Variants in AASDHPPT observed in about 807,000 individuals in gnomAD.
The protein encoded by AASDHPPT is aminoadipate-semialdehyde dehydrogenase-phosphopantetheinyl transferase, also known as L-aminoadipate-semialdehyde dehydrogenase-phosphopantetheinyl transferase.
A neutral mutation model predicts 36.4 loss-of-function variants in AASDHPPT; 23 were observed. That is an observed-to-expected ratio of 0.63 (90% CI 0.45 to 0.89). The LOEUF (loss-of-function observed/expected upper bound fraction) is 0.89. Ranked by LOEUF, AASDHPPT falls within the 40% of genes least tolerant of loss-of-function variation. The pLI is 0.00. For synonymous variants in AASDHPPT, 115 were observed against 128.0 expected, an observed-to-expected ratio of 0.90 and a Z score of 0.68; for missense variants, 377 against 378.2, an observed-to-expected ratio of 1.00 and a Z score of 0.03.
At chr11:106,079,370 G>GA in intron 1 of AASDHPPT, 97 bp from the exon 2 acceptor site, 1 of 1,062,804 alleles carries the variant, frequency 9.4e-7, no homozygotes, top group Middle Eastern at 3.2e-4. Flanking sequence ...TTTTAAAAAT[G>GA]AAAATTTTAG....
chr11:106,097,602 C>T lies in AASDHPPT; in HGVS notation c.*695C>T, dbSNP rs1156689731. 1.3e-5 allele frequency: 2 copies of T among 152,146 alleles called. No individual in the cohort carries two copies. The highest frequency in any genetic ancestry group is 2.9e-5 in the Non-Finnish European group (2 of 68,012). The allele number at this position is 152,146 out of a possible 1,614,324, so 9.4% of individuals were successfully genotyped here. Reference sequence around the variant, plus strand: ...TTCCACCTCTCGATCACAAGAGCTGCTGCTATAACTTCCAGTTTTACATCT... The same window carrying T: ...TTCCACCTCTCGATCACAAGAGCTGTTGCTATAACTTCCAGTTTTACATCT... On this transcript the variant is annotated 3_prime_UTR_variant, in exon 6 of 6. Transcript: ENST00000278618.
chr11:106,094,561 T>G, intron 4 of AASDHPPT, 22 bp from the exon 5 acceptor site: 1 of 1,558,588 alleles, frequency 6.4e-7, no homozygotes, highest in Non-Finnish European at 8.7e-7. Context: ...TAATCTATAT[T>G]TATTTACCTT....
Position 106,096,824 on chromosome 11 carries a change from C to T in AASDHPPT, c.847C>T (p.Pro283Ser). The stretch of plus-strand genomic sequence containing the variant: ...TAATGATTTAATGTCATCTGCCGTT[C>T]CCATGACACCTGAAGATCCTTCATT... ...NFNDLMSSAVPMTPEDPSFWD... is the reference protein window; with the variant it reads ...NFNDLMSSAVSMTPEDPSFWD... Residue 283 changes from proline (P) to serine (S), a missense_variant, in exon 6 of 6, where the codon CCC (proline) becomes TCC (serine). Coordinates refer to ENST00000278618, the MANE Select transcript of AASDHPPT (RefSeq NM_015423.3). The T allele has an allele frequency of 1.2e-6, 2 of 1,611,602 alleles. No homozygotes were observed. Among genetic ancestry groups the T allele is most frequent in the South Asian group, 1.1e-5 (1 of 90,662 alleles).
chr11:106,098,124 C>T lies in AASDHPPT; in HGVS notation c.*1217C>T, dbSNP rs994013063. On this transcript the variant is annotated 3_prime_UTR_variant, in exon 6 of 6. Transcript: ENST00000278618. The stretch of plus-strand genomic sequence containing the variant: ...TCCCCCTGCCAGAATACTCCTTGGT[C>T]AATTGTAGGTATTCTTTTTGGTTTA... 3 of 152,000 alleles carry T rather than the reference C, an allele frequency of 2.0e-5. No individual in the cohort carries two copies. The highest frequency in any genetic ancestry group is 2.0e-4 in the Admixed American group (3 of 15,236). The allele number at this position is 152,000 out of a possible 1,614,324, so 9.4% of individuals were successfully genotyped here.
chr11:106,091,531 T>C, intron 4 of AASDHPPT, 54 bp downstream of exon 4: 2 of 1,489,072 alleles, frequency 1.3e-6, no homozygotes, highest in South Asian at 1.4e-5. Context: ...TTTATGCATG[T>C]ATGTGTGATT....
chr11:106,096,642 T>C, intron 5 of AASDHPPT, 101 bp from the exon 6 acceptor site: 1 of 894,130 alleles, frequency 1.1e-6, no homozygotes, highest in Non-Finnish European at 1.6e-6. Context: ...CATTTAATAC[T>C]ACTGAAATGT....
Position 106,090,660 on chromosome 11 carries a change from T to C in AASDHPPT, c.513T>C (p.Asp171=), listed in dbSNP as rs1470103797. 1.3e-6 allele frequency: 2 copies of C among 1,590,220 alleles called. No homozygotes were observed. Among genetic ancestry groups the C allele is most frequent in the Admixed American group, 3.6e-5 (2 of 54,936 alleles). The change falls in exon 3 of 6, where the codon GAT becomes GAC. Residue 171 remains aspartate, a synonymous_variant. Coordinates refer to ENST00000278618, the MANE Select transcript of AASDHPPT (RefSeq NM_015423.3). ...RSFKDEWTQL[D]MFYRNWALKE... ...TTAAGGATGAGTGGACTCAGCTGGA[T>C]ATGTTTTATAGGAATTGGGTATAAT... is the stretch of plus-strand genomic sequence containing the variant.
chr11:106,087,680 A>G (rs1861210567), intron 2 of AASDHPPT, among the ~76,000 whole-genome samples: 1 of 152,148 alleles, frequency 6.6e-6, no homozygotes, highest in Admixed American at 6.6e-5. Flanking sequence ...CATTGGATCT[A>G]AATGATTTTG....
intron 2 of AASDHPPT, among the ~76,000 whole-genome samples, chr11:106,082,208 CAG>C (rs1396152517): frequency 6.6e-6 from 1 of 151,970 alleles, no homozygotes. Flanking sequence ...TCCAGTAACA[CAG>C]AAAGGAAGAG....
At chr11:106,093,765 T>G (rs1299102609) in intron 4 of AASDHPPT, 1 of 152,148 alleles carries the variant, frequency 6.6e-6, no homozygotes, top group East Asian at 1.9e-4. Flanking sequence ...CTTCAATATA[T>G]ATTACATTTT....
At chr11:106,085,922 T>C (rs1861192596) in intron 2 of AASDHPPT, 1 of 152,252 alleles carries the variant, frequency 6.6e-6, no homozygotes, top group South Asian at 2.1e-4. Context: ...ATAATTTTGA[T>C]GCTCAAAAAG....
chr11:106,079,849 G>A (rs550503236), intron 2 of AASDHPPT, among the ~76,000 whole-genome samples, 157 bp downstream of exon 2: 3 of 152,258 alleles, frequency 2.0e-5, no homozygotes, highest in Non-Finnish European at 1.5e-5. Context: ...AATCTGAAAA[G>A]GGTATATTTC....
intron 2 of AASDHPPT, among the ~76,000 whole-genome samples, chr11:106,087,873 GC>G (rs890546109): frequency 2.6e-5 from 4 of 152,160 alleles, no homozygotes; most frequent in African/African-American, 9.7e-5. Context: ...ATTAGAACTT[GC>G]CAACGTATGT....
chr11:106,087,313 C>T (rs950522555), intron 2 of AASDHPPT, among the ~76,000 whole-genome samples: 1 of 152,138 alleles, frequency 6.6e-6, no homozygotes, highest in African/African-American at 2.4e-5. Context: ...AGCTGATAAG[C>T]ATTACGGTGT....
chr11:106,096,320 TATAG>T (rs1407503564), intron 5 of AASDHPPT, among the ~76,000 whole-genome samples: 1 of 152,200 alleles, frequency 6.6e-6, no homozygotes, highest in East Asian at 1.9e-4. Context: ...TACATCTCTG[TATAG>T]TTATGGCAGT....
intron 4 of AASDHPPT, chr11:106,091,693 A>C (rs897090104): frequency 1.6e-4 from 65 of 411,362 alleles, no homozygotes; most frequent in African/African-American, 1.2e-3. Flanking sequence ...CAGTACGGGA[A>C]AGGAAAAGAG....
chr11:106,086,208 C>T (rs1267739786), intron 2 of AASDHPPT: 1 of 152,278 alleles, frequency 6.6e-6, no homozygotes, highest in Non-Finnish European at 1.5e-5. Flanking sequence ...GTTAAGGTGT[C>T]AGCAGGGCCA....
chr11:106,093,836 G>A (rs1401939578), intron 4 of AASDHPPT: 1 of 151,942 alleles, frequency 6.6e-6, no homozygotes, highest in Non-Finnish European at 1.5e-5. Context: ...TATTGGTTAT[G>A]TTTTACCTAT....
At chr11:106,080,309 A>C (rs532929233) in intron 2 of AASDHPPT, among the ~76,000 whole-genome samples, 37 of 152,308 alleles carry the variant, frequency 2.4e-4, no homozygotes, top group African/African-American at 8.7e-4. Flanking sequence ...AGGGTCCTGG[A>C]ACCAGTCCCC....
Sources: gnomAD v4.1 joint callset for allele counts (sites outside exome capture counted in the v4.1 genomes callset) on GRCh38, gnomAD v4.1.1 for gene constraint, MANE v1.5 for transcripts, NCBI Gene and HGNC (gene_info 2026-07-23, HGNC 2026-07-21) for gene names.